Variants in CADM2 observed in about 807,000 individuals in gnomAD.
CADM2 encodes the protein immunoglobulin superfamily member 4D.
In CADM2, 12 loss-of-function variants were observed where a neutral mutation model predicts 49.8. The ratio of observed to expected loss-of-function variants is 0.24; its 90% confidence interval spans 0.15 to 0.39. CADM2 has a LOEUF of 0.39. Among genes scored for constraint, CADM2 ranks in the 10% least tolerant of loss-of-function variants. The pLI, the probability that CADM2 is intolerant of heterozygous loss-of-function variation, is 1.00. For missense variants in CADM2, 378 were observed against 492.3 expected (o/e 0.77, Z 2.20); for synonymous variants, 214 against 175.4 (o/e 1.22, Z -1.74).
At chr3:85,936,285 A>G (rs1721182276) in intron 7 of CADM2, among the ~76,000 whole-genome samples, 1 of 151,830 alleles carries the variant, frequency 6.6e-6, no homozygotes, top group Non-Finnish European at 1.5e-5. Context: ...TCGAATCTAT[A>G]TTTCTTATGA....
intron 1 of CADM2, among the ~76,000 whole-genome samples, chr3:85,279,123 T>C (rs1376123653): frequency 6.6e-6 from 1 of 151,492 alleles, no homozygotes; most frequent in Admixed American, 6.6e-5. Flanking sequence ...GAAACAATGG[T>C]ATTTTAGCAA....
intron 1 of CADM2, among the ~76,000 whole-genome samples, chr3:85,357,684 G>T (rs562070346): frequency 6.6e-6 from 1 of 150,690 alleles, no homozygotes; most frequent in East Asian, 1.9e-4. Context: ...TCCCAAGGTC[G>T]CATTCAAGGG....
intron 1 of CADM2, among the ~76,000 whole-genome samples, chr3:85,132,635 T>C (rs2039269916): frequency 1.3e-5 from 2 of 149,012 alleles, no homozygotes. Context: ...ATTATATATA[T>C]ATATATATTT....
intron 1 of CADM2, among the ~76,000 whole-genome samples, chr3:85,067,687 T>C (rs2036575229): frequency 6.6e-6 from 1 of 152,182 alleles, no homozygotes; most frequent in Non-Finnish European, 1.5e-5. Context: ...TTTTATTTAC[T>C]ATCTTCTTTG....
chr3:85,969,613 T>C (rs1488894303), intron 8 of CADM2, among the ~76,000 whole-genome samples: 1 of 151,394 alleles, frequency 6.6e-6, no homozygotes, highest in Admixed American at 6.6e-5. Context: ...TACATGTTTG[T>C]GTGTCTATAT....
At chr3:85,108,825 C>T (rs2038347083) in intron 1 of CADM2, among the ~76,000 whole-genome samples, 1 of 151,744 alleles carries the variant, frequency 6.6e-6, no homozygotes, top group South Asian at 2.1e-4. Context: ...TAAAACAAAA[C>T]AACAAGGAAA....
At position 85,154,432 on chromosome 3, in the gene CADM2, G is replaced by T. The variant is rs571807550; in HGVS notation, c.61+194764G>T. Among the ~76,000 whole-genome samples the T allele has an allele frequency of 5.9e-5, 9 of 152,222 alleles. No individual in the cohort carries two copies. In the East Asian group the frequency reaches 1.7e-3, roughly 29 times the overall value. On this transcript the variant is annotated intron_variant, in intron 1 of 9. Coordinates refer to ENST00000383699, the MANE Select transcript of CADM2 (RefSeq NM_001167675.2). ...CGAGCAAAGCCTCCAAGAAATATGG[G>T]ACTATGTGAAAAGACCAAATCTACA...
At chr3:85,443,063 T>C (rs1418706455) in intron 1 of CADM2, among the ~76,000 whole-genome samples, 1 of 152,092 alleles carries the variant, frequency 6.6e-6, no homozygotes, top group African/African-American at 2.4e-5. Context: ...GTGTATCTTA[T>C]AAAATAAACC....
intron 1 of CADM2, among the ~76,000 whole-genome samples, chr3:85,368,537 AATATATACCTGAATAT>A (rs1034959489): frequency 4.3e-4 from 64 of 150,208 alleles, no homozygotes; most frequent in African/African-American, 1.5e-3. Context: ...AATATATATT[AATATATACCTGAATAT>A]ATATATACCT....
intron 1 of CADM2, among the ~76,000 whole-genome samples, chr3:85,330,136 C>A (rs866494879): frequency 3.3e-5 from 5 of 152,120 alleles, no homozygotes; most frequent in Non-Finnish European, 5.9e-5. Flanking sequence ...CAAAGAATCA[C>A]TGGAAATTTT....
At chr3:85,834,301 C>A (rs1400967842) in intron 3 of CADM2, among the ~76,000 whole-genome samples, 1 of 151,466 alleles carries the variant, frequency 6.6e-6, no homozygotes, top group Admixed American at 6.6e-5. Context: ...AAATGCAAGC[C>A]AAACACAAAT....
At chr3:85,920,061 G>A (rs1455323663) in intron 6 of CADM2, among the ~76,000 whole-genome samples, 2 of 151,668 alleles carry the variant, frequency 1.3e-5, no homozygotes, top group African/African-American at 4.8e-5. Flanking sequence ...CTCTAGCCCA[G>A]GTCAGTTTAT....
intron 1 of CADM2, among the ~76,000 whole-genome samples, chr3:85,693,674 G>A (rs1285702378): frequency 6.8e-6 from 1 of 147,534 alleles, no homozygotes; most frequent in Non-Finnish European, 1.5e-5. Context: ...GATCACGAGG[G>A]CAGGAGGTCG....
intron 8 of CADM2, among the ~76,000 whole-genome samples, chr3:85,984,859 C>A (rs1727904994): frequency 6.6e-6 from 1 of 151,890 alleles, no homozygotes; most frequent in South Asian, 2.1e-4. Flanking sequence ...CTAACAAAAA[C>A]TACATTATTT....
At chr3:85,500,511 T>C (rs2040072756) in intron 1 of CADM2, among the ~76,000 whole-genome samples, 1 of 151,978 alleles carries the variant, frequency 6.6e-6, no homozygotes, top group Non-Finnish European at 1.5e-5. Flanking sequence ...ATATATTTTT[T>C]CATAGGTGGA....
Position 85,961,570 on chromosome 3 carries a change from C to T in CADM2, c.893C>T (p.Thr298Met), listed in dbSNP as rs1724821473. 1.2e-6 allele frequency: 2 copies of T among 1,610,370 alleles called. No homozygotes were observed. The highest frequency in any genetic ancestry group is 1.7e-6 in the Non-Finnish European group (2 of 1,177,490). Residue 298 changes from threonine (T) to methionine (M), a missense_variant, in exon 8 of 10, where the codon ACG becomes ATG. Transcript: ENST00000383699. ...RELNILFLNK[T>M]DNGTYRCEAT... Reference sequence around the variant, plus strand: ...CTAAACATTCTTTTCCTGAACAAAACGGATAATGGTACATATCGATGTGAA... The same window carrying T: ...CTAAACATTCTTTTCCTGAACAAAATGGATAATGGTACATATCGATGTGAA...
At chr3:85,347,825 T>A (rs2030898620) in intron 1 of CADM2, among the ~76,000 whole-genome samples, 2 of 149,826 alleles carry the variant, frequency 1.3e-5, no homozygotes, top group African/African-American at 2.5e-5. Flanking sequence ...TTTTTTTTTT[T>A]AAGATGGAGT....
At chr3:85,574,819 G>A (rs534748111) in intron 1 of CADM2, among the ~76,000 whole-genome samples, 7 of 152,022 alleles carry the variant, frequency 4.6e-5, no homozygotes, top group East Asian at 1.9e-4. Context: ...CTCTACCTCA[G>A]TCTAGGGGGT....
intron 1 of CADM2, among the ~76,000 whole-genome samples, chr3:85,589,381 G>A (rs1376830341): frequency 6.6e-6 from 1 of 151,870 alleles, no homozygotes; most frequent in Non-Finnish European, 1.5e-5. Context: ...TGGTCCAATA[G>A]AAAAGACAAC....
Sources: gnomAD v4.1 joint callset for allele counts (sites outside exome capture counted in the v4.1 genomes callset) on GRCh38, gnomAD v4.1.1 for gene constraint, MANE v1.5 for transcripts, NCBI Gene and HGNC (gene_info 2026-07-23, HGNC 2026-07-21) for gene names.